Variants in RSRC1 observed in about 807,000 individuals in gnomAD.
RSRC1 encodes the protein arginine and serine rich coiled-coil 1.
In RSRC1, 39 loss-of-function variants were observed where a neutral mutation model predicts 49.1. The observed-to-expected ratio is 0.79, with a 90% CI of 0.61 to 1.04. The LOEUF is 1.04. Among genes scored for constraint, RSRC1 ranks in the 50% least tolerant of loss-of-function variants. RSRC1 has a pLI of 0.00. For synonymous variants in RSRC1, 143 were observed against 130.8 expected (o/e 1.09, Z -0.63); for missense variants, 388 against 402.4 (o/e 0.96, Z 0.31).
intron 7 of RSRC1, among the ~76,000 whole-genome samples, chr3:158,521,431 G>T (rs185130333): frequency 4.6e-5 from 7 of 152,048 alleles, no homozygotes; most frequent in Non-Finnish European, 5.9e-5. Context: ...TCATCCTCTG[G>T]ATTTTTCATT....
intron 5 of RSRC1, among the ~76,000 whole-genome samples, chr3:158,349,934 G>C (rs1460271091): frequency 6.6e-6 from 1 of 151,414 alleles, no homozygotes; most frequent in African/African-American, 2.4e-5. Flanking sequence ...CCGACCTTGG[G>C]TGATCTGCCT....
Position 158,122,151 on chromosome 3 carries a change from G to GA in RSRC1, c.53dup (p.Lys19GlufsTer4). ...ACTGAAGAAGAAAGCAGAAGCAAGA[G>GA]AAAAAAGAAACACCGTAGACGGTCC... is the stretch of plus-strand genomic sequence containing the variant. On this transcript the variant is annotated frameshift_variant, in exon 2 of 10. Transcript: ENST00000611884. LOFTEE classifies it high-confidence loss of function. The GA allele has an allele frequency of 6.4e-7, 1 of 1,569,340 alleles. No homozygotes were observed. The highest frequency in any genetic ancestry group is 2.4e-5 in the East Asian group (1 of 42,320).
intron 7 of RSRC1, among the ~76,000 whole-genome samples, chr3:158,476,640 C>T (rs1040980908): frequency 2.6e-4 from 40 of 152,262 alleles, no homozygotes; most frequent in Admixed American, 2.0e-3. Flanking sequence ...TTAAAGCCCA[C>T]TGTTGAGGCA....
At chr3:158,537,605 A>C (rs1334575413) in intron 8 of RSRC1, among the ~76,000 whole-genome samples, 2 of 151,652 alleles carry the variant, frequency 1.3e-5, no homozygotes, top group Non-Finnish European at 3.0e-5. Flanking sequence ...ATATTGTCAC[A>C]TATATCTTCA....
At position 158,302,575 on chromosome 3, in the gene RSRC1, T is replaced by C. The variant is rs532422422; in HGVS notation, c.531+4500T>C. 2.0e-5 allele frequency: 3 copies of C among 151,236 alleles called. No homozygotes were observed. The South Asian group carries it at 6.3e-4, about 32-fold the overall frequency. 9.4% of individuals were successfully genotyped at this position (151,236 alleles called of 1,614,324 possible). A position where few individuals can be genotyped will look rare whatever the true frequency, so the allele number is the denominator to read the frequency against. On this transcript the variant is annotated intron_variant, in intron 5 of 9. Coordinates refer to ENST00000611884, the MANE Select transcript of RSRC1 (RefSeq NM_001271838.2). Reference sequence around the variant, plus strand: ...TGCTCCTGACTTTTTTTTTTTTTTTTTTAATGCTGCTCTAAAGTTGTAGAA... The same window carrying C: ...TGCTCCTGACTTTTTTTTTTTTTTTCTTAATGCTGCTCTAAAGTTGTAGAA...
At chr3:158,248,003 A>G (rs538774565) in intron 4 of RSRC1, among the ~76,000 whole-genome samples, 4 of 152,216 alleles carry the variant, frequency 2.6e-5, no homozygotes, top group South Asian at 2.1e-4. Context: ...CTACCACCCA[A>G]TGCGACTATC....
rs58871024 is a variant in RSRC1, at chr3:158,376,137, ATCCC to A, written c.583+21259_583+21262del. On this transcript the variant is annotated intron_variant, in intron 6 of 9. Coordinates refer to ENST00000611884, the MANE Select transcript of RSRC1 (RefSeq NM_001271838.2). ...ATGGTCTACCTCCTGGAAAGAATAT[ATCCC>A]TCCCTCCCTCCCTCCCTCCCTCCCT... Among the ~76,000 whole-genome samples, 713 of 88,600 alleles carry A rather than the reference ATCCC, an allele frequency of 8.0e-3. 13 individuals are homozygous for A. Among genetic ancestry groups the A allele is most frequent in the African/African-American group, 0.042 (642 of 15,188 alleles). 58.1% of individuals were successfully genotyped at this position (88,600 alleles called of 152,430 possible). A position where few individuals can be genotyped will look rare whatever the true frequency, so the allele number is the denominator to read the frequency against.
chr3:158,340,076 A>C (rs1371575001), intron 5 of RSRC1, among the ~76,000 whole-genome samples: 2 of 152,300 alleles, frequency 1.3e-5, no homozygotes, highest in East Asian at 1.9e-4. Flanking sequence ...ACTAAATCTC[A>C]ACTTGAATTG....
chr3:158,536,953 CAA>C, intron 7 of RSRC1, 137 bp from the exon 8 acceptor site: 1 of 603,522 alleles, frequency 1.7e-6, no homozygotes. Context: ...GATCTCAGAA[CAA>C]AAGAGTTTCT....
At chr3:158,373,665 A>G (rs965734414) in intron 6 of RSRC1, among the ~76,000 whole-genome samples, 6 of 151,960 alleles carry the variant, frequency 3.9e-5, no homozygotes, top group Non-Finnish European at 5.9e-5. Flanking sequence ...GCTTATATTC[A>G]TAGCAATTAT....
intron 3 of RSRC1, among the ~76,000 whole-genome samples, chr3:158,170,349 C>A (rs1020726535): frequency 6.6e-6 from 1 of 150,632 alleles, no homozygotes; most frequent in Non-Finnish European, 1.5e-5. Flanking sequence ...CTTGTTCTCC[C>A]TTTTACCATT....
At chr3:158,213,130 G>C (rs1721774813) in intron 4 of RSRC1, among the ~76,000 whole-genome samples, 1 of 151,834 alleles carries the variant, frequency 6.6e-6, no homozygotes, top group Admixed American at 6.6e-5. Context: ...CTCTATGTTG[G>C]TTTATTTTTA....
At chr3:158,153,563 T>A (rs1454339322) in intron 3 of RSRC1, among the ~76,000 whole-genome samples, 1 of 152,172 alleles carries the variant, frequency 6.6e-6, no homozygotes, top group Admixed American at 6.5e-5. Context: ...CTAGAAGACA[T>A]GATTTCAGAA....
At chr3:158,468,084 C>A (rs1361981276) in intron 7 of RSRC1, among the ~76,000 whole-genome samples, 1 of 152,128 alleles carries the variant, frequency 6.6e-6, no homozygotes. Flanking sequence ...CAGGTGCCTG[C>A]CACCATGCCC....
chr3:158,169,085 C>T (rs917600863), intron 3 of RSRC1, among the ~76,000 whole-genome samples: 2 of 152,068 alleles, frequency 1.3e-5, no homozygotes, highest in African/African-American at 4.8e-5. Flanking sequence ...CTCCCTTCAC[C>T]CCTAATATCA....
intron 3 of RSRC1, among the ~76,000 whole-genome samples, chr3:158,170,084 A>G (rs1718783361): frequency 6.6e-6 from 1 of 152,096 alleles, no homozygotes; most frequent in African/African-American, 2.4e-5. Context: ...ATTGGAAATT[A>G]CCCTGTGAAA....
intron 6 of RSRC1, among the ~76,000 whole-genome samples, chr3:158,413,017 G>C (rs925327440): frequency 6.6e-6 from 1 of 152,108 alleles, no homozygotes; most frequent in East Asian, 1.9e-4. Context: ...AACCAAAAAA[G>C]AGTCTGCATT....
chr3:158,448,640 T>C (rs1736858757), intron 6 of RSRC1, among the ~76,000 whole-genome samples: 1 of 151,988 alleles, frequency 6.6e-6, no homozygotes, highest in Admixed American at 6.6e-5. Context: ...CATTAGGATA[T>C]ACTGCATACA....
chr3:158,463,824 A>T (rs985616321), intron 7 of RSRC1, among the ~76,000 whole-genome samples: 1 of 152,046 alleles, frequency 6.6e-6, no homozygotes, highest in South Asian at 2.1e-4. Flanking sequence ...CCTTTAACCA[A>T]TGGGGGCCCA....
Sources: allele counts gnomAD v4.1 joint callset (sites outside exome capture counted in the v4.1 genomes callset), GRCh38; gene constraint gnomAD v4.1.1; transcripts MANE v1.5; gene names NCBI Gene and HGNC (gene_info 2026-07-23, HGNC 2026-07-21).